The following RAI14 variants were observed in gnomAD, a reference collection of about 807,000 sequenced individuals.
RAI14 encodes the protein ankycorbin.
RAI14 carries 45 observed loss-of-function variants against 115.4 expected under a neutral mutation model. The observed-to-expected ratio is 0.39, with a 90% CI of 0.31 to 0.50. The LOEUF (loss-of-function observed/expected upper bound fraction) is 0.50, where lower values mean the gene tolerates loss of function less well. Ranked by LOEUF, RAI14 falls within the 20% of genes least tolerant of loss-of-function variation. RAI14 has a pLI of 0.85. For missense variants in RAI14, 939 were observed against 1,131.2 expected, an observed-to-expected ratio of 0.83 and a Z score of 2.44; for synonymous variants, 371 against 415.4, an observed-to-expected ratio of 0.89 and a Z score of 1.30.
chr5:34,751,406 G>A (rs1580130045), intron 2 of RAI14, among the ~76,000 whole-genome samples: 1 of 152,246 alleles, frequency 6.6e-6, no homozygotes, highest in Non-Finnish European at 1.5e-5. Context: ...GCCTCCCAAA[G>A]TGTTGGGATT....
chr5:34,688,344 T>C, intron 2 of RAI14: 3 of 1,246,006 alleles, frequency 2.4e-6, no homozygotes, highest in Admixed American at 2.3e-5. Context: ...CAAGGGAATC[T>C]AGGTAGCTTT....
chr5:34,824,946 C>CAAAAAAA (rs1174399473), intron 15 of RAI14, among the ~76,000 whole-genome samples: 3 of 66,562 alleles, frequency 4.5e-5, no homozygotes, highest in Admixed American at 1.8e-4. Flanking sequence ...GACTTCATCT[C>CAAAAAAA]AAAAAAAAAA....
intron 2 of RAI14, among the ~76,000 whole-genome samples, chr5:34,735,866 G>A (rs1744800635): frequency 6.6e-6 from 1 of 152,212 alleles, no homozygotes; most frequent in Non-Finnish European, 1.5e-5. Flanking sequence ...CAGCCTATAA[G>A]CTCTGCGAGT....
At chr5:34,795,032 T>G (rs1183470638) in intron 3 of RAI14, among the ~76,000 whole-genome samples, 3 of 152,232 alleles carry the variant, frequency 2.0e-5, no homozygotes, top group African/African-American at 7.2e-5. Context: ...GGATGGCAAC[T>G]GAGAGAAGGG....
chr5:34,829,233 G>A (rs760481726), intron 16 of RAI14, among the ~76,000 whole-genome samples: 1 of 151,704 alleles, frequency 6.6e-6, no homozygotes, highest in Admixed American at 6.6e-5. Context: ...TGTCACCCAC[G>A]CTGGAGTGCA....
intron 3 of RAI14, among the ~76,000 whole-genome samples, chr5:34,790,723 T>A (rs1426276432): frequency 6.7e-6 from 1 of 150,140 alleles, no homozygotes; most frequent in African/African-American, 2.4e-5. Context: ...ATTATATATA[T>A]AAGATGTATA....
chr5:34,831,099 G>C lies in RAI14; in HGVS notation c.*334G>C, dbSNP rs1257224128. On this transcript the variant is annotated 3_prime_UTR_variant, in exon 18 of 18. Transcript: ENST00000265109. ...CTGAGTGGCTTTATCACCACCGAGT[G>C]ATGTGCTGAGGCCTCCTGCAGTGAA... The C allele has an allele frequency of 3.7e-6, 1 of 267,002 alleles. No individual in the cohort carries two copies. Among genetic ancestry groups the C allele is most frequent in the Non-Finnish European group, 7.3e-6 (1 of 137,778 alleles). 16.5% of individuals were successfully genotyped at this position (267,002 alleles called of 1,614,324 possible). A position where few individuals can be genotyped will look rare whatever the true frequency, so the allele number is the denominator to read the frequency against.
At chr5:34,782,142 A>G (rs922921772) in intron 3 of RAI14, among the ~76,000 whole-genome samples, 4 of 152,164 alleles carry the variant, frequency 2.6e-5, no homozygotes, top group African/African-American at 9.7e-5. Flanking sequence ...TATTTCGGTA[A>G]ACCCACAACC....
At chr5:34,753,708 G>A (rs1041765269) in intron 2 of RAI14, among the ~76,000 whole-genome samples, 1 of 152,146 alleles carries the variant, frequency 6.6e-6, no homozygotes, top group East Asian at 1.9e-4. Context: ...GAGGTCAAGC[G>A]CTCAAGACCA....
chr5:34,666,773 C>A (rs1356923737), intron 1 of RAI14, among the ~76,000 whole-genome samples: 2 of 152,186 alleles, frequency 1.3e-5, no homozygotes, highest in African/African-American at 4.8e-5. Context: ...CTGCCATAGG[C>A]ACTTTGCTGC....
intron 2 of RAI14, among the ~76,000 whole-genome samples, chr5:34,735,691 T>C (rs146372005): frequency 3.3e-5 from 5 of 152,374 alleles, no homozygotes; most frequent in South Asian, 4.1e-4. Context: ...ATTCATCTTA[T>C]GGTCTATTTT....
chr5:34,740,981 TA>T (rs1305245134), intron 2 of RAI14, among the ~76,000 whole-genome samples: 1 of 152,186 alleles, frequency 6.6e-6, no homozygotes, highest in African/African-American at 2.4e-5. Context: ...CTGATAACAT[TA>T]GACATCGTGC....
Position 34,715,089 on chromosome 5 carries a change from C to T in RAI14, c.36+28134C>T, listed in dbSNP as rs112922874. Among the ~76,000 whole-genome samples the T allele has an allele frequency of 9.6e-3, 1,454 of 152,088 alleles. 20 individuals carry two copies. The highest frequency in any genetic ancestry group is 0.033 in the African/African-American group (1,377 of 41,484). The stretch of plus-strand genomic sequence containing the variant: ...ATTTATTGCAAAGGGAAAAGTACAC[C>T]CTCAAGGGGCAAGGGGAGCGTGGGC... On this transcript the variant is annotated intron_variant, in intron 2 of 17. Transcript: ENST00000265109.
chr5:34,749,413 T>C (rs1463259097), intron 2 of RAI14, among the ~76,000 whole-genome samples: 1 of 152,232 alleles, frequency 6.6e-6, no homozygotes, highest in African/African-American at 2.4e-5. Context: ...TAGCCAGATG[T>C]CTGTGACCAC....
intron 4 of RAI14, among the ~76,000 whole-genome samples, chr5:34,797,242 C>T (rs928496231): frequency 3.3e-5 from 5 of 152,064 alleles, no homozygotes; most frequent in Non-Finnish European, 4.4e-5. Flanking sequence ...TTCGTGAATC[C>T]GTAATGGATC....
intron 1 of RAI14, among the ~76,000 whole-genome samples, chr5:34,667,807 C>A (rs1432454700): frequency 1.3e-5 from 2 of 152,084 alleles, no homozygotes; most frequent in Non-Finnish European, 2.9e-5. Context: ...GTGCAGGACC[C>A]AGGCCCTTGG....
chr5:34,771,361 A>G (rs559836591), intron 3 of RAI14, among the ~76,000 whole-genome samples: 6 of 152,334 alleles, frequency 3.9e-5, no homozygotes, highest in Non-Finnish European at 2.9e-5. Context: ...GGAACTGATC[A>G]TGGTAACAGA....
At chr5:34,683,972 C>T (rs553672317) in intron 1 of RAI14, among the ~76,000 whole-genome samples, 38 of 152,314 alleles carry the variant, frequency 2.5e-4, no homozygotes, top group Non-Finnish European at 4.7e-4. Context: ...TGTGTTCCGC[C>T]GGCCTCGGCC....
At chr5:34,661,357 T>C (rs1742675679) in intron 1 of RAI14, among the ~76,000 whole-genome samples, 1 of 152,196 alleles carries the variant, frequency 6.6e-6, no homozygotes. Flanking sequence ...TTTACTGTTG[T>C]ATTCATGGTG....
Sources: gnomAD v4.1 joint callset for allele counts (sites outside exome capture counted in the v4.1 genomes callset) on GRCh38, gnomAD v4.1.1 for gene constraint, MANE v1.5 for transcripts, NCBI Gene and HGNC (gene_info 2026-07-23, HGNC 2026-07-21) for gene names.